The following ABHD12 variants were observed in gnomAD, a reference collection of about 807,000 sequenced individuals.
ABHD12 encodes the protein abhydrolase domain containing 12, lysophospholipase.
ABHD12 carries 43 observed loss-of-function variants against 58.3 expected under a neutral mutation model. The observed-to-expected ratio is 0.74, with a 90% confidence interval of 0.58 to 0.95. The LOEUF is 0.95. Ranked by LOEUF, ABHD12 falls within the 40% of genes least tolerant of loss-of-function variation. ABHD12 has a pLI of 0.00. For synonymous variants in ABHD12, 219 were observed against 211.2 expected (o/e 1.04, Z -0.32); for missense variants, 539 against 537.2 (o/e 1.00, Z -0.03).
At chr20:25,303,517 C>T (rs1225893226) in intron 11 of ABHD12, 33 bp downstream of exon 11, 2 of 1,610,160 alleles carry the variant, frequency 1.2e-6, no homozygotes, top group Non-Finnish European at 1.7e-6. Flanking sequence ...GTGCAAGATG[C>T]CAGCTACACC....
At chr20:25,329,167 G>A (rs1011743990) in intron 2 of ABHD12, among the ~76,000 whole-genome samples, 7 of 152,210 alleles carry the variant, frequency 4.6e-5, no homozygotes, top group African/African-American at 1.7e-4. Context: ...GCTGGCTGGA[G>A]TCCACCCTGC....
At chr20:25,361,369 T>C (rs908992970) in intron 1 of ABHD12, among the ~76,000 whole-genome samples, 10 of 152,108 alleles carry the variant, frequency 6.6e-5, no homozygotes, top group Non-Finnish European at 1.5e-5. Context: ...TAAAGTTTAA[T>C]GATTTTCTTG....
downstream of ABHD12, chr20:25,296,455 C>T: frequency 6.2e-7 from 1 of 1,614,040 alleles, no homozygotes; most frequent in Non-Finnish European, 8.5e-7. Flanking sequence ...ACGGAGTATG[C>T]ACGGGAGATC....
intron 6 of ABHD12, 49 bp from the exon 7 acceptor site, chr20:25,309,624 A>T: frequency 6.2e-7 from 1 of 1,610,668 alleles, no homozygotes. Flanking sequence ...AGCTCACAAA[A>T]CCTGGACAAA....
In ABHD12 at chr20:25,307,956, CTG is replaced by C. The variant is rs2145931203; in HGVS notation, c.867+8_867+9del. 1 of 1,516,198 alleles carries C rather than the reference CTG, an allele frequency of 6.6e-7. No homozygotes were observed. Among genetic ancestry groups the C allele is most frequent in the Non-Finnish European group, 9.2e-7 (1 of 1,091,774 alleles). The allele number at this position is 1,516,198 out of a possible 1,614,324, so 93.9% of individuals were successfully genotyped here. On this transcript the variant is annotated splice_region_variant and intron_variant, in intron 9 of 12. Transcript: ENST00000339157. The stretch of plus-strand genomic sequence containing the variant: ...ATGAAAAGTTAATTTTTAATAAAAT[CTG>C]TACTTGCCACTGAAAATGGATGGCT...
intron 2 of ABHD12, among the ~76,000 whole-genome samples, chr20:25,336,071 T>G (rs1358892198): frequency 6.6e-6 from 1 of 152,080 alleles, no homozygotes; most frequent in Non-Finnish European, 1.5e-5. Flanking sequence ...AAGAGATACC[T>G]TCTTGATCTG....
intron 1 of ABHD12, among the ~76,000 whole-genome samples, chr20:25,380,603 C>T (rs1193436721): frequency 6.6e-6 from 1 of 152,110 alleles, no homozygotes; most frequent in Admixed American, 6.6e-5. Context: ...GTAAGCCACT[C>T]CTGTCAATAC....
chr20:25,298,502 G>A (rs1245476788), downstream of ABHD12, among the ~76,000 whole-genome samples: 3 of 152,110 alleles, frequency 2.0e-5, no homozygotes, highest in South Asian at 2.1e-4. Flanking sequence ...TGATCCGCCC[G>A]CCTCAGCCTC....
intron 1 of ABHD12, among the ~76,000 whole-genome samples, chr20:25,387,102 G>A (rs1286060714): frequency 6.6e-6 from 1 of 152,122 alleles, no homozygotes; most frequent in Non-Finnish European, 1.5e-5. Context: ...CAGTGAGGGA[G>A]CAGGAACAAA....
intron 1 of ABHD12, among the ~76,000 whole-genome samples, chr20:25,343,159 A>G (rs1208037241): frequency 6.6e-6 from 1 of 152,190 alleles, no homozygotes; most frequent in Non-Finnish European, 1.5e-5. Flanking sequence ...AAACTCACGT[A>G]AGAAATAGAC....
chr20:25,338,596 C>T (rs910075281), intron 2 of ABHD12, among the ~76,000 whole-genome samples: 44 of 152,204 alleles, frequency 2.9e-4, no homozygotes, highest in African/African-American at 8.7e-4. Context: ...AAATACACAG[C>T]GTGAAAAAAC....
intron 2 of ABHD12, among the ~76,000 whole-genome samples, chr20:25,337,685 A>C (rs1013978131): frequency 2.6e-5 from 4 of 152,230 alleles, no homozygotes; most frequent in African/African-American, 9.6e-5. Flanking sequence ...AAGGTAGAAA[A>C]GCCATGAGGG....
At chr20:25,346,485 T>C (rs2089520203) in intron 1 of ABHD12, among the ~76,000 whole-genome samples, 1 of 152,168 alleles carries the variant, frequency 6.6e-6, no homozygotes, top group Admixed American at 6.5e-5. Context: ...GGTGATGATG[T>C]GTCAATGCAG....
At chr20:25,387,057 G>C (rs2090100928) in intron 1 of ABHD12, among the ~76,000 whole-genome samples, 1 of 152,066 alleles carries the variant, frequency 6.6e-6, no homozygotes, top group Admixed American at 6.6e-5. Flanking sequence ...TGGCATTTGA[G>C]AAAACTCAAT....
intron 12 of ABHD12, 75 bp from the exon 13 acceptor site, chr20:25,300,959 T>C (rs1326167339): frequency 6.7e-7 from 1 of 1,482,530 alleles, no homozygotes; most frequent in Non-Finnish European, 9.3e-7. Context: ...CTCACACTGC[T>C]ATCTAAGGAA....
At chr20:25,307,552 T>C (rs1414789593) in intron 9 of ABHD12, among the ~76,000 whole-genome samples, 5 of 152,258 alleles carry the variant, frequency 3.3e-5, no homozygotes, top group African/African-American at 1.2e-4. Context: ...CCACTGGGGT[T>C]CACCTGGGCC....
intron 6 of ABHD12, among the ~76,000 whole-genome samples, chr20:25,311,120 C>A (rs1300945376): frequency 1.3e-5 from 2 of 152,160 alleles, no homozygotes; most frequent in African/African-American, 4.8e-5. Context: ...AGCATGGTGG[C>A]CCCCAAAAGT....
chr20:25,368,889 G>A (rs2089861391), intron 1 of ABHD12: 2 of 414,880 alleles, frequency 4.8e-6, no homozygotes, highest in African/African-American at 2.1e-5. Context: ...TGCTTTGGGA[G>A]GCTGCGGCAG....
chr20:25,390,435 C>A (rs2146159867), intron 1 of ABHD12, 78 bp downstream of exon 1: 1 of 1,311,372 alleles, frequency 7.6e-7, no homozygotes, highest in Non-Finnish European at 9.7e-7. Context: ...TGGGAGGTAC[C>A]GCGGCCCCCT....
Sources: gnomAD v4.1 joint callset for allele counts (sites outside exome capture counted in the v4.1 genomes callset) on GRCh38, gnomAD v4.1.1 for gene constraint, MANE v1.5 for transcripts, NCBI Gene and HGNC (gene_info 2026-07-23, HGNC 2026-07-21) for gene names.